The following INSR variants were observed in gnomAD, a reference collection of about 807,000 sequenced individuals.
INSR encodes the protein IR.
A neutral mutation model predicts 142.6 loss-of-function variants in INSR; 67 were observed. That is an observed-to-expected ratio of 0.47 (90% CI 0.39 to 0.58). The LOEUF is 0.58. Ranked by LOEUF, INSR falls within the 20% of genes least tolerant of loss-of-function variation. The pLI is 0.00. For synonymous variants in INSR, 756 were observed against 743.1 expected (o/e 1.02, Z -0.28); for missense variants, 1,248 against 1,833.2 (o/e 0.68, Z 5.83).
At chr19:7,153,099 ACAC>A (rs1973443323) in intron 9 of INSR, among the ~76,000 whole-genome samples, 172 bp from the exon 10 acceptor site, 1 of 117,346 alleles carries the variant, frequency 8.5e-6, no homozygotes, top group Non-Finnish European at 1.7e-5. Context: ...ACACATACAC[ACAC>A]CACAAACACA....
intron 1 of INSR, among the ~76,000 whole-genome samples, chr19:7,277,009 G>A (rs1184099546): frequency 1.3e-5 from 2 of 152,174 alleles, no homozygotes; most frequent in South Asian, 2.1e-4. Flanking sequence ...GGGATTACAG[G>A]TGTGAGCCAC....
At chr19:7,252,603 C>T (rs1038790137) in intron 2 of INSR, among the ~76,000 whole-genome samples, 4 of 152,142 alleles carry the variant, frequency 2.6e-5, no homozygotes, top group East Asian at 3.9e-4. Flanking sequence ...TCGCACACCG[C>T]GTGTGGACAT....
chr19:7,255,006 T>A (rs1012663867), intron 2 of INSR, among the ~76,000 whole-genome samples: 4 of 145,800 alleles, frequency 2.7e-5, no homozygotes, highest in Admixed American at 1.4e-4. Flanking sequence ...GCCCTCAGCC[T>A]CCCCCGGCCC....
rs1461124853 is a variant in INSR at position 7,294,331 on chromosome 19, G to A, written c.-440C>T. 5.9e-5 allele frequency among the ~76,000 whole-genome samples: 9 copies of A among 151,590 alleles called. No individual in the cohort carries two copies. The East Asian group carries it at 1.4e-3, about 23-fold the overall frequency. ...GCTGGCGGGTGGCGGGCGGGCGGCGGGAGAGAGGGCTGCTCGGGCCCGTAA... is the reference window on the plus strand; with the variant it reads ...GCTGGCGGGTGGCGGGCGGGCGGCGAGAGAGAGGGCTGCTCGGGCCCGTAA... On this transcript the variant is annotated 5_prime_UTR_variant, in exon 1 of 22. Coordinates refer to ENST00000302850, the MANE Select transcript of INSR (RefSeq NM_000208.4).
At chr19:7,126,702 C>A (rs1293513754) in intron 15 of INSR, 51 bp from the exon 16 acceptor site, 1 of 1,510,652 alleles carries the variant, frequency 6.6e-7, no homozygotes, top group African/African-American at 1.4e-5. Context: ...TGGGACTCTG[C>A]AGAAAGGTGT....
chr19:7,210,340 CAA>C (rs11342133), intron 2 of INSR, among the ~76,000 whole-genome samples: 196 of 109,816 alleles, frequency 1.8e-3, no homozygotes, highest in African/African-American at 4.1e-3. Context: ...GACTCTGTCT[CAA>C]AAAAAAAAAA....
rs1218566297 is a variant in INSR at position 7,151,162 on chromosome 19, C to CTCTTTCTTTCTT, written c.2232-642_2232-631dup. On this transcript the variant is annotated intron_variant, in intron 10 of 21. Coordinates refer to ENST00000302850, the MANE Select transcript of INSR (RefSeq NM_000208.4). ...CTTTCTCTCTTTCCTTTCTTTCTTT[C>CTCTTTCTTTCTT]TCTTTCTTTCTTTCTTTCTTTCTTT... 6.3e-3 allele frequency among the ~76,000 whole-genome samples: 289 copies of CTCTTTCTTTCTT among 45,860 alleles called. 2 individuals are homozygous for CTCTTTCTTTCTT. Among genetic ancestry groups the CTCTTTCTTTCTT allele is most frequent in the South Asian group, 0.048 (67 of 1,410 alleles). 30.1% of individuals were successfully genotyped at this position (45,860 alleles called of 152,430 possible).
At chr19:7,161,888 ATGTG>A (rs1973757248) in intron 9 of INSR, among the ~76,000 whole-genome samples, 1 of 152,100 alleles carries the variant, frequency 6.6e-6, no homozygotes, top group Non-Finnish European at 1.5e-5. Context: ...ATGTTTAAAA[ATGTG>A]TATGTATGAG....
At position 7,267,226 on chromosome 19, in the gene INSR, C is replaced by G; in HGVS notation, c.652+119G>C. ...CACTCCCTGGGCTAGTGAATGCCAC[C>G]ACCCACTATTCCCCGGCCCCTACCT... On this transcript the variant is annotated intron_variant, in intron 2 of 21. Coordinates refer to ENST00000302850, the MANE Select transcript of INSR (RefSeq NM_000208.4). The surrounding 1 kb of genome is among the most constrained non-coding windows in gnomAD (Gnocchi z 6.3). 9.7e-7 allele frequency: 1 copy of G among 1,035,348 alleles called. No individual in the cohort carries two copies. Among genetic ancestry groups the G allele is most frequent in the Non-Finnish European group, 1.5e-6 (1 of 675,468 alleles). The allele number at this position is 1,035,348 out of a possible 1,614,324, so 64.1% of individuals were successfully genotyped here.
intron 11 of INSR, among the ~76,000 whole-genome samples, chr19:7,147,270 G>T (rs1305568641): frequency 2.0e-5 from 3 of 151,978 alleles, no homozygotes; most frequent in African/African-American, 4.8e-5. Context: ...CACCTCCCAG[G>T]TTCAAGTGAT....
rs1973944971 is a variant in INSR, at chr19:7,168,767, T to A, written c.1484-673A>T. Among the ~76,000 whole-genome samples, 1 of 137,624 alleles carries A rather than the reference T, an allele frequency of 7.3e-6. No homozygotes were observed. Among genetic ancestry groups the A allele is most frequent in the Non-Finnish European group, 1.5e-5 (1 of 65,834 alleles). 90.3% of individuals were successfully genotyped at this position (137,624 alleles called of 152,430 possible). A position where few individuals can be genotyped will look rare whatever the true frequency, so the allele number is the denominator to read the frequency against. On this transcript the variant is annotated intron_variant, in intron 6 of 21. Coordinates refer to ENST00000302850, the MANE Select transcript of INSR (RefSeq NM_000208.4). The surrounding 1 kb of genome is among the most constrained non-coding windows in gnomAD (Gnocchi z 4.3). ...ACCCACCACCACGTCCAGCTAGTTT[T>A]TGTATTTTTTTTTTTTAGTAGAGAT...
chr19:7,249,828 T>G (rs1162060690), intron 2 of INSR, among the ~76,000 whole-genome samples: 1 of 152,080 alleles, frequency 6.6e-6, no homozygotes, highest in South Asian at 2.1e-4. Context: ...CCGTCTCTAC[T>G]AAAAATACAA....
intron 2 of INSR, among the ~76,000 whole-genome samples, chr19:7,230,848 C>G (rs368264360): frequency 7.2e-5 from 11 of 151,914 alleles, no homozygotes; most frequent in South Asian, 2.1e-4. Flanking sequence ...AAGGCCTCCT[C>G]TAGGAGAGAT....
intron 2 of INSR, among the ~76,000 whole-genome samples, chr19:7,258,337 G>T (rs1976957679): frequency 6.6e-6 from 1 of 151,938 alleles, no homozygotes; most frequent in Non-Finnish European, 1.5e-5. Context: ...TACTGAGGAG[G>T]CTGACTGAGG....
intron 2 of INSR, among the ~76,000 whole-genome samples, chr19:7,248,683 G>A (rs572623377): frequency 1.1e-4 from 17 of 150,870 alleles, no homozygotes; most frequent in African/African-American, 3.9e-4. Flanking sequence ...CACGCCATTC[G>A]ACACTTAACT....
intron 2 of INSR, among the ~76,000 whole-genome samples, chr19:7,195,521 T>C (rs1974720651): frequency 6.6e-6 from 1 of 151,986 alleles, no homozygotes; most frequent in South Asian, 2.1e-4. Context: ...CGCATGCCTG[T>C]AATCCCGGCT....
intron 2 of INSR, among the ~76,000 whole-genome samples, chr19:7,220,571 G>T (rs1464445145): frequency 6.6e-6 from 1 of 152,142 alleles, no homozygotes; most frequent in East Asian, 1.9e-4. Context: ...TTACAAGTGT[G>T]AGCCACTGTG....
In INSR at chr19:7,292,470, T is replaced by TGGGGGG. The variant is rs755617421; in HGVS notation, c.100+1316_100+1321dup. Among the ~76,000 whole-genome samples the TGGGGGG allele has an allele frequency of 6.9e-5, 7 of 100,852 alleles. 1 individual carries two copies. Among genetic ancestry groups the TGGGGGG allele is most frequent in the African/African-American group, 1.1e-4 (3 of 27,270 alleles). The allele number at this position is 100,852 out of a possible 152,430, so 66.2% of individuals were successfully genotyped here. On this transcript the variant is annotated intron_variant, in intron 1 of 21. Coordinates refer to ENST00000302850, the MANE Select transcript of INSR (RefSeq NM_000208.4). ...TCTCCCAGGCACCTGGGGGCGGGGC[T>TGGGGGG]GGGGGGGGGTGGGCCCGGGGCTTTT...
Position 7,192,460 on chromosome 19 carries a change from C to T in INSR, c.653-7823G>A, listed in dbSNP as rs988838589. ...GATGAGAAACAGCCCCAGTGGAGGA[C>T]GGGGTTGACTTTCCTCTCCCTGTGC... On this transcript the variant is annotated intron_variant, in intron 2 of 21. Transcript: ENST00000302850. The surrounding 1 kb of genome is among the most constrained non-coding windows in gnomAD (Gnocchi z 4.2). Among the ~76,000 whole-genome samples, 27 of 152,078 alleles carry T rather than the reference C, an allele frequency of 1.8e-4. No homozygotes were observed. The highest frequency in any genetic ancestry group is 5.6e-4 in the African/African-American group (23 of 41,408).
Sources: allele counts gnomAD v4.1 joint callset (sites outside exome capture counted in the v4.1 genomes callset), GRCh38; gene constraint gnomAD v4.1.1; non-coding constraint Gnocchi (gnomAD v3.1); transcripts MANE v1.5; gene names NCBI Gene and HGNC (gene_info 2026-07-23, HGNC 2026-07-21).